The following CFAP61 variants were observed in gnomAD, a reference collection of about 807,000 sequenced individuals.
CFAP61 encodes the protein cilia and flagella associated protein 61, also known as cilia- and flagella-associated protein 61.
In CFAP61, 107 loss-of-function variants were observed where a neutral mutation model predicts 135.6. That is an observed-to-expected ratio of 0.79 (90% CI 0.67 to 0.93). CFAP61 has a LOEUF of 0.93. Among genes scored for constraint, CFAP61 ranks in the 40% least tolerant of loss-of-function variants. The probability of loss-of-function intolerance (pLI) is 0.00; values close to 1 mark genes in which losing one functional copy is unlikely to be tolerated. For missense variants in CFAP61, 1,507 were observed against 1,556.2 expected (o/e 0.97, Z 0.53); for synonymous variants, 575 against 578.5 (o/e 0.99, Z 0.09).
At position 20,245,966 on chromosome 20, in the gene CFAP61, G is replaced by C. The variant is rs112101862; in HGVS notation, c.2061-151G>C. The C allele has an allele frequency of 4.2e-3, 2,537 of 601,930 alleles. 60 individuals are homozygous for C. Among genetic ancestry groups the C allele is most frequent in the African/African-American group, 0.041 (2,200 of 53,630 alleles). The allele number at this position is 601,930 out of a possible 1,614,324, so 37.3% of individuals were successfully genotyped here. ...CTTCCTTTTTTCCTTGAAATGGTTG[G>C]TTCTATCTGAAGGTTCGTGCAAAGA... On this transcript the variant is annotated intron_variant, in intron 18 of 26. Coordinates refer to ENST00000245957, the MANE Select transcript of CFAP61 (RefSeq NM_015585.4).
chr20:20,245,224 T>C lies in CFAP61; in HGVS notation c.2061-893T>C, dbSNP rs148342506. Reference sequence around the variant, plus strand: ...GTATCTTTTCAGCAGCGCCCCACTCTACTGGTACCAATTTACTGTATTAGT... The same window carrying C: ...GTATCTTTTCAGCAGCGCCCCACTCCACTGGTACCAATTTACTGTATTAGT... On this transcript the variant is annotated intron_variant, in intron 18 of 26. Transcript: ENST00000245957. Among the ~76,000 whole-genome samples the C allele has an allele frequency of 5.1e-4, 77 of 152,338 alleles. 1 individual carries two copies. In the East Asian group the frequency reaches 0.014, roughly 29 times the overall value.
At chr20:20,166,742 T>TGTTAC (rs3830854) in intron 12 of CFAP61, among the ~76,000 whole-genome samples, 3 of 3,268 alleles carry the variant, frequency 9.2e-4, no homozygotes, top group Non-Finnish European at 7.9e-3. Flanking sequence ...TGAATGACAC[T>TGTTAC]GTTATTTTAT....
At chr20:20,296,086 C>CT (rs2147076942) in intron 24 of CFAP61, among the ~76,000 whole-genome samples, 2 of 28,664 alleles carry the variant, frequency 7.0e-5, no homozygotes, top group African/African-American at 1.4e-4. Flanking sequence ...CCTTTTCTTC[C>CT]TTCTTTCCTT....
At position 20,360,339 on chromosome 20, in the gene CFAP61, A is replaced by G. The variant is rs765960650; in HGVS notation, c.3643A>G (p.Arg1215Gly). Residue 1215 changes from arginine to glycine, a missense_variant, in exon 27 of 27, where the codon AGA becomes GGA. By Grantham distance (125) the Arg-to-Gly change is moderately radical (BLOSUM62 -2). Coordinates refer to ENST00000245957, the MANE Select transcript of CFAP61 (RefSeq NM_015585.4). ...EESIYKTLVE[R>G]STLDYLHYNR... ...ATCCATCTACAAAACCCTGGTGGAG[A>G]GAAGCACTCTTGACTACCTGCACTA... The G allele has an allele frequency of 3.1e-6, 5 of 1,613,886 alleles. No homozygotes were observed. In the Admixed American group the frequency reaches 8.3e-5, roughly 27 times the overall value.
chr20:20,229,946 G>A (rs1340701979), intron 18 of CFAP61, among the ~76,000 whole-genome samples: 8 of 152,146 alleles, frequency 5.3e-5, no homozygotes, highest in African/African-American at 1.7e-4. Flanking sequence ...TCTCTTCCTC[G>A]AAAACTTTTG....
chr20:20,196,101 G>A (rs1433366925), intron 15 of CFAP61, among the ~76,000 whole-genome samples: 2 of 152,118 alleles, frequency 1.3e-5, no homozygotes, highest in Admixed American at 6.5e-5. Flanking sequence ...ACAAAACAAA[G>A]TGTGTAACTT....
At chr20:20,291,966 T>G (rs976826395) in intron 24 of CFAP61, among the ~76,000 whole-genome samples, 1 of 152,234 alleles carries the variant, frequency 6.6e-6, no homozygotes, top group Non-Finnish European at 1.5e-5. Context: ...CAACCTAAAA[T>G]AAACACATTT....
At chr20:20,256,400 CCACACA>C (rs35783358) in intron 20 of CFAP61, among the ~76,000 whole-genome samples, 19,537 of 148,676 alleles carry the variant, frequency 0.13, 2,132 homozygotes, top group East Asian at 0.35. Context: ...AAAATTTAGG[CCACACA>C]CACACACACA....
intron 18 of CFAP61, among the ~76,000 whole-genome samples, chr20:20,229,943 C>T (rs953382360): frequency 6.6e-6 from 1 of 152,132 alleles, no homozygotes; most frequent in Non-Finnish European, 1.5e-5. Context: ...GGGTCTCTTC[C>T]TCGAAAACTT....
chr20:20,319,633 G>A (rs2057334200), intron 25 of CFAP61, among the ~76,000 whole-genome samples: 1 of 152,148 alleles, frequency 6.6e-6, no homozygotes. Flanking sequence ...TATGCTTCCT[G>A]TATAGCCTGT....
intron 2 of CFAP61, among the ~76,000 whole-genome samples, chr20:20,058,772 G>A (rs1434412454): frequency 6.6e-6 from 1 of 152,178 alleles, no homozygotes; most frequent in Non-Finnish European, 1.5e-5. Flanking sequence ...AGTGTGTCCA[G>A]GAAACTGGCT....
At chr20:20,217,995 C>T (rs561882208) in intron 17 of CFAP61, among the ~76,000 whole-genome samples, 1 of 152,324 alleles carries the variant, frequency 6.6e-6, no homozygotes, top group African/African-American at 2.4e-5. Flanking sequence ...AACTTGTTCC[C>T]TCTTGTTCAC....
In CFAP61 at chr20:20,081,726, G is replaced by A. The variant is rs76085645; in HGVS notation, c.566+6111G>A. On this transcript the variant is annotated intron_variant, in intron 6 of 26. Transcript: ENST00000245957. ...TGGACTATAACCTTCAGTGGACAAGGTTCACAAAACTTGAAATAAACCTGG... is the reference window on the plus strand; with the variant it reads ...TGGACTATAACCTTCAGTGGACAAGATTCACAAAACTTGAAATAAACCTGG... Among the ~76,000 whole-genome samples, 354 of 152,198 alleles carry A rather than the reference G, an allele frequency of 2.3e-3. 1 individual carries two copies. The highest frequency in any genetic ancestry group is 8.1e-3 in the African/African-American group (335 of 41,504).
intron 8 of CFAP61, among the ~76,000 whole-genome samples, chr20:20,118,885 G>A (rs943067104): frequency 2.7e-5 from 4 of 150,876 alleles, no homozygotes; most frequent in African/African-American, 9.8e-5. Context: ...ATTTTGCAAT[G>A]TTTCCCAGGT....
intron 18 of CFAP61, among the ~76,000 whole-genome samples, chr20:20,231,626 C>CT (rs1462044941): frequency 6.6e-6 from 1 of 152,164 alleles, no homozygotes; most frequent in Non-Finnish European, 1.5e-5. Context: ...CACTTGGCCT[C>CT]TGAGGGGAGC....
At chr20:20,081,868 G>A (rs2146593700) in intron 6 of CFAP61, among the ~76,000 whole-genome samples, 1 of 152,324 alleles carries the variant, frequency 6.6e-6, no homozygotes, top group South Asian at 2.1e-4. Context: ...TTTGCAGTGA[G>A]GAAGGGATGT....
chr20:20,075,650 T>A, intron 6 of CFAP61, 35 bp downstream of exon 6: 1 of 1,608,724 alleles, frequency 6.2e-7, no homozygotes, highest in Non-Finnish European at 8.5e-7. Context: ...TGACCTAAGC[T>A]TCACTGGGAC....
chr20:20,196,816 G>C (rs747714825), intron 16 of CFAP61, 40 bp downstream of exon 16: 3 of 1,537,810 alleles, frequency 2.0e-6, no homozygotes, highest in Non-Finnish European at 2.7e-6. Context: ...GCAGGTCAAC[G>C]TTCACAGTGT....
intron 25 of CFAP61, among the ~76,000 whole-genome samples, chr20:20,310,159 A>G (rs960158364): frequency 2.0e-5 from 3 of 151,894 alleles, no homozygotes. Context: ...ACACCCTGCT[A>G]ATTTTTGTAT....
Sources: allele counts gnomAD v4.1 joint callset (sites outside exome capture counted in the v4.1 genomes callset), GRCh38; gene constraint gnomAD v4.1.1; transcripts MANE v1.5; gene names NCBI Gene and HGNC (gene_info 2026-07-23, HGNC 2026-07-21).